The following GUCY2C variants were observed in gnomAD, a reference collection of about 807,000 sequenced individuals.
The protein encoded by GUCY2C is guanylate cyclase 2C, also known as guanylyl cyclase C.
GUCY2C carries 118 observed loss-of-function variants against 131.1 expected under a neutral mutation model. The observed-to-expected ratio is 0.90, with a 90% CI of 0.78 to 1.05. The LOEUF (loss-of-function observed/expected upper bound fraction) is 1.05, where lower values mean the gene tolerates loss of function less well. Ranked by LOEUF, GUCY2C falls within the 50% of genes least tolerant of loss-of-function variation. The pLI is 0.00. For missense variants in GUCY2C, 1,161 were observed against 1,304.4 expected, an observed-to-expected ratio of 0.89 and a Z score of 1.69; for synonymous variants, 452 against 457.8, an observed-to-expected ratio of 0.99 and a Z score of 0.16.
At position 14,695,997 on chromosome 12, in the gene GUCY2C, C is replaced by T. The variant is rs185055327; in HGVS notation, c.217+235G>A. 5.3e-4 allele frequency among the ~76,000 whole-genome samples: 81 copies of T among 152,234 alleles called. 2 individuals carry two copies. Among genetic ancestry groups the T allele is most frequent in the Admixed American group, 4.8e-3 (74 of 15,294 alleles). ...CTGGGACGTTTCACTGCCGTGAACACTTTACATTTCCTGAGTCAGGGCTAG... is the reference window on the plus strand; with the variant it reads ...CTGGGACGTTTCACTGCCGTGAACATTTTACATTTCCTGAGTCAGGGCTAG... On this transcript the variant is annotated intron_variant, in intron 1 of 26. Transcript: ENST00000261170.
intron 21 of GUCY2C, among the ~76,000 whole-genome samples, chr12:14,625,253 G>A (rs895244066): frequency 6.6e-6 from 1 of 152,118 alleles, no homozygotes; most frequent in Non-Finnish European, 1.5e-5. Flanking sequence ...TCCCAGCTCT[G>A]CCATTCACTG....
intron 15 of GUCY2C, among the ~76,000 whole-genome samples, chr12:14,648,908 A>C (rs1357169718): frequency 6.6e-6 from 1 of 152,198 alleles, no homozygotes; most frequent in Non-Finnish European, 1.5e-5. Flanking sequence ...ATGTTAAGGA[A>C]GTATTGTTTT....
intron 1 of GUCY2C, among the ~76,000 whole-genome samples, chr12:14,693,555 T>C (rs1948610069): frequency 6.6e-6 from 1 of 152,234 alleles, no homozygotes; most frequent in Non-Finnish European, 1.5e-5. Context: ...CTGAGATATA[T>C]TGTCTTATAA....
At position 14,651,626 on chromosome 12, in the gene GUCY2C, TAAC is replaced by T. The variant is rs978932979; in HGVS notation, c.1606-118_1606-116del. 6 of 650,394 alleles carry T rather than the reference TAAC, an allele frequency of 9.2e-6. No individual in the cohort carries two copies. The Admixed American group carries it at 1.3e-4, about 14-fold the overall frequency. The allele number at this position is 650,394 out of a possible 1,614,324, so 40.3% of individuals were successfully genotyped here. A position where few individuals can be genotyped will look rare whatever the true frequency, so the allele number is the denominator to read the frequency against. The stretch of plus-strand genomic sequence containing the variant: ...AGATCTTTGAGAAGATGTGTTGTCT[TAAC>T]AAATTGAATGTCAGTACCCATTGCT... On this transcript the variant is annotated intron_variant, in intron 14 of 26. Transcript: ENST00000261170.
chr12:14,628,329 G>A (rs1045846878), intron 20 of GUCY2C, among the ~76,000 whole-genome samples: 3 of 152,100 alleles, frequency 2.0e-5, no homozygotes, highest in Non-Finnish European at 2.9e-5. Context: ...CAGGACTCAC[G>A]CTACACTTCT....
intron 3 of GUCY2C, 100 bp downstream of exon 3, chr12:14,686,061 C>T: frequency 1.3e-6 from 1 of 742,508 alleles, no homozygotes; most frequent in East Asian, 2.7e-5. Flanking sequence ...TACTAGACCT[C>T]AACACCTCTG....
intron 1 of GUCY2C, among the ~76,000 whole-genome samples, chr12:14,688,650 C>T (rs1948522112): frequency 6.6e-6 from 1 of 152,216 alleles, no homozygotes; most frequent in Admixed American, 6.5e-5. Flanking sequence ...TCTTTGCGCT[C>T]ATGATACAGC....
At chr12:14,636,732 A>C (rs779901324) in intron 19 of GUCY2C, among the ~76,000 whole-genome samples, 11 of 152,202 alleles carry the variant, frequency 7.2e-5, no homozygotes, top group Non-Finnish European at 1.2e-4. Flanking sequence ...TACGTCTAGA[A>C]AACCTAAAGC....
intron 9 of GUCY2C, among the ~76,000 whole-genome samples, chr12:14,670,787 C>T (rs1948090688): frequency 1.3e-5 from 2 of 151,720 alleles, no homozygotes; most frequent in Admixed American, 6.6e-5. Context: ...CCCAGCCTCG[C>T]TGGGGAGTCC....
At chr12:14,656,187 G>C (rs897951273) in intron 12 of GUCY2C, among the ~76,000 whole-genome samples, 9 of 152,308 alleles carry the variant, frequency 5.9e-5, no homozygotes, top group Admixed American at 2.6e-4. Context: ...AGCATCCAAG[G>C]TTTAGGGGAA....
At chr12:14,675,207 C>CAAAAAAAAAAAAAAAAAAAA (rs35870014) in intron 7 of GUCY2C, among the ~76,000 whole-genome samples, 1 of 34,782 alleles carries the variant, frequency 2.9e-5, no homozygotes, top group Non-Finnish European at 5.2e-5. Flanking sequence ...AACTCCATCT[C>CAAAAAAAAAAAAAAAAAAAA]AAAAAAAAAA....
chr12:14,695,615 A>AG (rs1319426709), intron 1 of GUCY2C, among the ~76,000 whole-genome samples: 1 of 151,504 alleles, frequency 6.6e-6, no homozygotes, highest in Non-Finnish European at 1.5e-5. Flanking sequence ...AAAAAAAAAA[A>AG]AAAAAGAGTG....
chr12:14,681,394 A>G lies in GUCY2C; in HGVS notation c.695T>C (p.Phe232Ser), dbSNP rs1948345135. 6.2e-7 allele frequency: 1 copy of G among 1,612,130 alleles called. No homozygotes were observed. Among genetic ancestry groups the G allele is most frequent in the African/African-American group, 1.3e-5 (1 of 74,832 alleles). ...GTTGTGGTCCATTAAGATATCCTGA[A>G]ACTCCTTATCTTGTCTTAACACCAC... is the stretch of plus-strand genomic sequence containing the variant. ...FKVVLRQDKE[F>S]QDILMDHNRK... Residue 232 changes from phenylalanine to serine, a missense_variant, in exon 5 of 27, where the codon TTT (phenylalanine) becomes TCT (serine). Coordinates refer to ENST00000261170, the MANE Select transcript of GUCY2C (RefSeq NM_004963.4).
chr12:14,637,212 C>A (rs868724826), intron 19 of GUCY2C, among the ~76,000 whole-genome samples: 3,569 of 69,602 alleles, frequency 0.051, 102 homozygotes, highest in African/African-American at 0.11. Flanking sequence ...AAAAAAAAAA[C>A]CACCTAGGAA....
intron 5 of GUCY2C, 28 bp downstream of exon 5, chr12:14,681,326 CAA>C (rs753124929): frequency 6.2e-7 from 1 of 1,606,184 alleles, no homozygotes; most frequent in Non-Finnish European, 8.5e-7. Flanking sequence ...AAGAAGTTAG[CAA>C]AAAACAATTA....
rs1308696733 is a variant in GUCY2C at position 14,612,713 on chromosome 12, G to A, written c.*404C>T. On this transcript the variant is annotated 3_prime_UTR_variant, in exon 27 of 27. Coordinates refer to ENST00000261170, the MANE Select transcript of GUCY2C (RefSeq NM_004963.4). ...AATTATGAGTTAAATATACTTTAAT[G>A]AAGATGGGTATTTAAAATATAATTA... is the stretch of plus-strand genomic sequence containing the variant. 3 of 159,016 alleles carry A rather than the reference G, an allele frequency of 1.9e-5. No individual in the cohort carries two copies. Among genetic ancestry groups the A allele is most frequent in the African/African-American group, 4.8e-5 (2 of 41,550 alleles). The allele number at this position is 159,016 out of a possible 1,614,324, so 9.9% of individuals were successfully genotyped here. A position where few individuals can be genotyped will look rare whatever the true frequency, so the allele number is the denominator to read the frequency against.
intron 9 of GUCY2C, among the ~76,000 whole-genome samples, chr12:14,670,838 G>A (rs1217731809): frequency 1.3e-5 from 2 of 150,824 alleles, no homozygotes; most frequent in African/African-American, 4.9e-5. Context: ...TCTTTTTTTT[G>A]GGGAAGAAAA....
At chr12:14,630,631 A>C (rs909591727) in intron 19 of GUCY2C, among the ~76,000 whole-genome samples, 2 of 152,218 alleles carry the variant, frequency 1.3e-5, no homozygotes, top group Admixed American at 6.5e-5. Context: ...TTATATGCAC[A>C]TGATATGCCA....
chr12:14,666,461 G>A (rs917097509), intron 10 of GUCY2C, among the ~76,000 whole-genome samples: 1 of 152,220 alleles, frequency 6.6e-6, no homozygotes, highest in Non-Finnish European at 1.5e-5. Flanking sequence ...CTGGCTGGGC[G>A]CCGTGGCTCA....
Sources: allele counts gnomAD v4.1 joint callset (sites outside exome capture counted in the v4.1 genomes callset), GRCh38; gene constraint gnomAD v4.1.1; transcripts MANE v1.5; gene names NCBI Gene and HGNC (gene_info 2026-07-23, HGNC 2026-07-21).